Variants in DLG2 observed in about 807,000 individuals in gnomAD.
DLG2 encodes discs large MAGUK scaffold protein 2.
DLG2 carries 45 observed loss-of-function variants against 132.5 expected under a neutral mutation model. The ratio of observed to expected loss-of-function variants is 0.34; its 90% CI spans 0.27 to 0.44. The LOEUF (loss-of-function observed/expected upper bound fraction) is 0.44. Ranked by LOEUF, DLG2 falls within the 20% of genes least tolerant of loss-of-function variation. The pLI is 1.00. For missense variants in DLG2, 1,045 were observed against 1,196.9 expected, an observed-to-expected ratio of 0.87 and a Z score of 1.87; for synonymous variants, 424 against 419.6, an observed-to-expected ratio of 1.01 and a Z score of -0.13.
chr11:84,764,180 A>G (rs1052695394), intron 6 of DLG2, among the ~76,000 whole-genome samples: 2 of 152,094 alleles, frequency 1.3e-5, no homozygotes, highest in African/African-American at 4.8e-5. Context: ...GCTTTCCAAA[A>G]CATGTTCTAG....
At chr11:84,074,696 T>C (rs2096802141) in intron 10 of DLG2, among the ~76,000 whole-genome samples, 1 of 151,652 alleles carries the variant, frequency 6.6e-6, no homozygotes, top group Non-Finnish European at 1.5e-5. Context: ...GCCCGGCTAA[T>C]TTTTTGTATT....
intron 2 of DLG2, among the ~76,000 whole-genome samples, chr11:85,617,503 A>C (rs548104221): frequency 6.6e-6 from 1 of 152,356 alleles, no homozygotes; most frequent in East Asian, 1.9e-4. Context: ...TTTAAGATTC[A>C]TACAGGCAGA....
intron 6 of DLG2, among the ~76,000 whole-genome samples, chr11:84,918,595 T>G (rs2092607644): frequency 6.6e-6 from 1 of 152,162 alleles, no homozygotes; most frequent in Non-Finnish European, 1.5e-5. Context: ...GATAAATGTC[T>G]GAATTCTAGA....
rs1566943759 is a variant in DLG2 at position 85,154,543 on chromosome 11, G to A, written c.282+13C>T. 1 of 1,309,212 alleles carries A rather than the reference G, an allele frequency of 7.6e-7. No individual in the cohort carries two copies. Among genetic ancestry groups the A allele is most frequent in the Non-Finnish European group, 1.1e-6 (1 of 932,520 alleles). The allele number at this position is 1,309,212 out of a possible 1,614,324, so 81.1% of individuals were successfully genotyped here. Reference sequence around the variant, plus strand: ...TGAAGCCTAGTAAGAAAAGAAAACAGTATAACACTTACAGTTGTCGTCTCA... The same window carrying A: ...TGAAGCCTAGTAAGAAAAGAAAACAATATAACACTTACAGTTGTCGTCTCA... On this transcript the variant is annotated intron_variant, in intron 5 of 27. Transcript: ENST00000376104.
At chr11:83,601,335 T>C (rs1163107397) in intron 19 of DLG2, among the ~76,000 whole-genome samples, 1 of 152,086 alleles carries the variant, frequency 6.6e-6, no homozygotes, top group Non-Finnish European at 1.5e-5. Flanking sequence ...GTGTTCTGTA[T>C]GTAGAATTCC....
intron 6 of DLG2, among the ~76,000 whole-genome samples, chr11:84,970,207 C>T (rs1355289035): frequency 6.6e-6 from 1 of 152,034 alleles, no homozygotes; most frequent in Non-Finnish European, 1.5e-5. Context: ...CTTTCCATTC[C>T]CTCTGACCAA....
At position 83,458,053 on chromosome 11, in the gene DLG2, T is replaced by C. The variant is rs535966303; in HGVS notation, c.*1765A>G. The C allele has an allele frequency of 6.5e-6, 1 of 152,796 alleles. No individual in the cohort carries two copies. Among genetic ancestry groups the C allele is most frequent in the South Asian group, 2.1e-4 (1 of 4,828 alleles). 9.5% of individuals were successfully genotyped at this position (152,796 alleles called of 1,614,324 possible). On this transcript the variant is annotated 3_prime_UTR_variant, in exon 28 of 28. Transcript: ENST00000376104. ...CTGTGAAGAAGCCCCATCACTCTGATGGCTCTATCTCTTGCTCTCCTACCC... is the reference window on the plus strand; with the variant it reads ...CTGTGAAGAAGCCCCATCACTCTGACGGCTCTATCTCTTGCTCTCCTACCC...
intron 6 of DLG2, among the ~76,000 whole-genome samples, chr11:85,050,301 G>A (rs952890216): frequency 2.6e-5 from 4 of 151,724 alleles, no homozygotes; most frequent in Non-Finnish European, 4.4e-5. Context: ...TAATTACCTC[G>A]GCTAGACCAC....
At chr11:83,999,355 G>A (rs2094215041) in intron 11 of DLG2, among the ~76,000 whole-genome samples, 2 of 152,090 alleles carry the variant, frequency 1.3e-5, no homozygotes, top group East Asian at 3.9e-4. Flanking sequence ...CCACCTGTGG[G>A]CCTGGAGACT....
At chr11:83,728,528 CT>C (rs748326875) in intron 18 of DLG2, among the ~76,000 whole-genome samples, 16 of 152,356 alleles carry the variant, frequency 1.1e-4, no homozygotes, top group Middle Eastern at 6.8e-3. Flanking sequence ...ATAGCATTTC[CT>C]ATATGCCTGT....
intron 3 of DLG2, among the ~76,000 whole-genome samples, chr11:85,410,139 C>T (rs1253353652): frequency 6.6e-6 from 1 of 151,754 alleles, no homozygotes; most frequent in African/African-American, 2.4e-5. Flanking sequence ...AAGAAGTTAG[C>T]AAGTTAATGA....
chr11:85,463,066 G>C (rs557343168), intron 3 of DLG2, among the ~76,000 whole-genome samples: 1 of 152,164 alleles, frequency 6.6e-6, no homozygotes, highest in Non-Finnish European at 1.5e-5. Context: ...CTTGATCATG[G>C]AATTCCAGTG....
intron 19 of DLG2, among the ~76,000 whole-genome samples, chr11:83,567,414 C>G (rs1014341020): frequency 6.6e-6 from 1 of 152,148 alleles, no homozygotes; most frequent in Non-Finnish European, 1.5e-5. Flanking sequence ...GGTTTTGCCT[C>G]TACCATGTAC....
chr11:84,534,308 T>C (rs1055908410), intron 7 of DLG2, among the ~76,000 whole-genome samples: 1 of 152,202 alleles, frequency 6.6e-6, no homozygotes, highest in African/African-American at 2.4e-5. Context: ...TATTTTCCCT[T>C]TCAGTGTTTC....
At chr11:84,164,764 A>G (rs1166480507) in intron 8 of DLG2, among the ~76,000 whole-genome samples, 1 of 152,248 alleles carries the variant, frequency 6.6e-6, no homozygotes, top group Non-Finnish European at 1.5e-5. Context: ...ATGACAATGG[A>G]CTTTACTTAG....
chr11:85,354,760 C>G (rs969820467), intron 3 of DLG2, among the ~76,000 whole-genome samples: 1 of 152,018 alleles, frequency 6.6e-6, no homozygotes. Flanking sequence ...CACACACACA[C>G]ACATACACGC....
intron 19 of DLG2, among the ~76,000 whole-genome samples, chr11:83,555,297 T>C (rs2096491734): frequency 6.6e-6 from 1 of 152,268 alleles, no homozygotes; most frequent in Admixed American, 6.5e-5. Flanking sequence ...ATACTTTCTC[T>C]TTTTAGAGTA....
intron 3 of DLG2, among the ~76,000 whole-genome samples, chr11:85,544,411 G>A (rs537472499): frequency 1.2e-4 from 19 of 152,186 alleles, no homozygotes; most frequent in Non-Finnish European, 2.6e-4. Context: ...AATAAAGCTT[G>A]AAGTCAGGTA....
Position 83,697,846 on chromosome 11 carries a change from C to T in DLG2, c.1826-64521G>A, listed in dbSNP as rs78013026. ...CAGAGAGGCCCAGAATATTGAGATA[C>T]CAGCTGGTAAGAATTATGACATTTA... On this transcript the variant is annotated intron_variant, in intron 18 of 27. Coordinates refer to ENST00000376104, the MANE Select transcript of DLG2 (RefSeq NM_001142699.3). 6.4e-3 allele frequency among the ~76,000 whole-genome samples: 969 copies of T among 152,270 alleles called. 8 individuals carry two copies. The highest frequency in any genetic ancestry group is 0.022 in the African/African-American group (918 of 41,560).
Sources: gnomAD v4.1 joint callset for allele counts (sites outside exome capture counted in the v4.1 genomes callset) on GRCh38, gnomAD v4.1.1 for gene constraint, MANE v1.5 for transcripts, NCBI Gene and HGNC (gene_info 2026-07-23, HGNC 2026-07-21) for gene names.